The following GALNT9 variants were observed in gnomAD, a reference collection of about 807,000 sequenced individuals.
GALNT9 encodes polypeptide N-acetylgalactosaminyltransferase 9.
A neutral mutation model predicts 63.1 loss-of-function variants in GALNT9; 47 were observed. That is an observed-to-expected ratio of 0.75 (90% CI 0.59 to 0.95). The LOEUF (loss-of-function observed/expected upper bound fraction) is 0.95. Ranked by LOEUF, GALNT9 falls within the 40% of genes least tolerant of loss-of-function variation. The pLI, the probability that GALNT9 is intolerant of heterozygous loss-of-function variation, is 0.00. For missense variants in GALNT9, 829 were observed against 874.8 expected (o/e 0.95, Z 0.66); for synonymous variants, 396 against 365.7 (o/e 1.08, Z -0.94).
At chr12:132,204,860 A>C (rs577767770) in intron 6 of GALNT9, among the ~76,000 whole-genome samples, 1 of 152,116 alleles carries the variant, frequency 6.6e-6, no homozygotes, top group South Asian at 2.1e-4. Context: ...CGCCGTGCTC[A>C]GGTCCTCAGC....
At chr12:132,219,692 CCGCCCGGG>C (rs1877359629) in intron 6 of GALNT9, among the ~76,000 whole-genome samples, 3 of 147,818 alleles carry the variant, frequency 2.0e-5, no homozygotes, top group African/African-American at 5.0e-5. Context: ...AGGGTGACAC[CCGCCCGGG>C]TAAGGGGAAG....
At chr12:132,203,152 G>A (rs954218273) in intron 7 of GALNT9, among the ~76,000 whole-genome samples, 1 of 152,194 alleles carries the variant, frequency 6.6e-6, no homozygotes, top group African/African-American at 2.4e-5. Flanking sequence ...GACAGGTGCT[G>A]TGCAGGGCAC....
intron 2 of GALNT9, among the ~76,000 whole-genome samples, chr12:132,271,648 CT>C (rs1879870827): frequency 6.6e-6 from 1 of 152,204 alleles, no homozygotes; most frequent in Non-Finnish European, 1.5e-5. Context: ...GTTGGGGCAG[CT>C]GTGGCCTCGT....
intron 1 of GALNT9, among the ~76,000 whole-genome samples, chr12:132,314,341 C>T (rs1555245557): frequency 6.6e-6 from 1 of 152,130 alleles, no homozygotes; most frequent in Non-Finnish European, 1.5e-5. Flanking sequence ...AACTCTCTTT[C>T]TGTCTCCATC....
chr12:132,243,502 G>C (rs149853618), intron 6 of GALNT9, among the ~76,000 whole-genome samples: 577 of 148,534 alleles, frequency 3.9e-3, no homozygotes, highest in Non-Finnish European at 6.4e-3. Flanking sequence ...TTGGGGAAAC[G>C]AAGTTGGGTT....
chr12:132,325,429 G>C (rs994396885), intron 1 of GALNT9, among the ~76,000 whole-genome samples: 4 of 152,186 alleles, frequency 2.6e-5, no homozygotes, highest in African/African-American at 9.7e-5. Flanking sequence ...GGGGATGCAT[G>C]AGGCACGTGG....
intron 9 of GALNT9, 131 bp downstream of exon 9, chr12:132,199,043 C>G: frequency 1.6e-6 from 1 of 616,268 alleles, no homozygotes; most frequent in Non-Finnish European, 2.9e-6. Context: ...GCTCCAAGCC[C>G]TGGAATGCAG....
chr12:132,202,923 C>A (rs1046733834), intron 7 of GALNT9, among the ~76,000 whole-genome samples: 2 of 152,188 alleles, frequency 1.3e-5, no homozygotes, highest in African/African-American at 4.8e-5. Context: ...GTCAGCCACT[C>A]ATAGGCCAAA....
chr12:132,322,648 C>T (rs546753477), intron 1 of GALNT9, among the ~76,000 whole-genome samples: 35 of 152,252 alleles, frequency 2.3e-4, no homozygotes, highest in Admixed American at 4.6e-4. Flanking sequence ...AGCACCATGG[C>T]GTCCCCAGGC....
intron 6 of GALNT9, among the ~76,000 whole-genome samples, chr12:132,219,740 GGT>G (rs1234763723): frequency 1.5e-4 from 19 of 122,690 alleles, no homozygotes; most frequent in Non-Finnish European, 2.9e-4. Flanking sequence ...CACCCGCCCG[GGT>G]AAGGGGAAGG....
chr12:132,306,788 G>A (rs779395075), intron 1 of GALNT9, among the ~76,000 whole-genome samples: 18 of 152,290 alleles, frequency 1.2e-4, no homozygotes, highest in African/African-American at 1.7e-4. Context: ...TCATCACTGC[G>A]GTAATGGAAA....
chr12:132,229,890 G>A (rs1337157400), intron 6 of GALNT9, among the ~76,000 whole-genome samples: 6 of 152,230 alleles, frequency 3.9e-5, no homozygotes, highest in African/African-American at 9.6e-5. Context: ...ACCGTCCGTC[G>A]GTGGTGGAGT....
chr12:132,288,260 C>T (rs1555242382), intron 1 of GALNT9, among the ~76,000 whole-genome samples: 1 of 152,224 alleles, frequency 6.6e-6, no homozygotes, highest in East Asian at 1.9e-4. Context: ...GGCTTTGAGC[C>T]TCCCGGAACC....
chr12:132,260,819 A>G, intron 4 of GALNT9, 129 bp downstream of exon 4: 1 of 1,301,288 alleles, frequency 7.7e-7, no homozygotes, highest in South Asian at 1.6e-5. Context: ...CCAGATCCTG[A>G]AGGCTACGGC....
At position 132,316,347 on chromosome 12, in the gene GALNT9, A is replaced by G. The variant is rs918347548; in HGVS notation, c.238+12619T>C. Among the ~76,000 whole-genome samples, 5 of 152,090 alleles carry G rather than the reference A, an allele frequency of 3.3e-5. No individual in the cohort carries two copies. The highest frequency in any genetic ancestry group is 7.4e-5 in the Non-Finnish European group (5 of 68,006). ...TTTCACGATGCATTTTTATGCCCCT[A>G]TTCTGGGAGGAAACAGAGATCCCCT... On this transcript the variant is annotated intron_variant, in intron 1 of 10. Coordinates refer to ENST00000328957, the MANE Select transcript of GALNT9 (RefSeq NM_001122636.2). This position sits in a 1 kb window ranked among gnomAD's most constrained non-coding sequence, Gnocchi z 4.3.
rs868966981 is a variant in GALNT9 at position 132,291,009 on chromosome 12, G to A, written c.239-4579C>T. Among the ~76,000 whole-genome samples the A allele has an allele frequency of 4.5e-4, 26 of 57,160 alleles. 1 individual carries two copies. In the South Asian group the frequency reaches 0.024, roughly 52 times the overall value. 37.5% of individuals were successfully genotyped at this position (57,160 alleles called of 152,430 possible). A position where few individuals can be genotyped will look rare whatever the true frequency, so the allele number is the denominator to read the frequency against. On this transcript the variant is annotated intron_variant, in intron 1 of 10. Coordinates refer to ENST00000328957, the MANE Select transcript of GALNT9 (RefSeq NM_001122636.2). ...CAGCACCCACAACCACAGTGCCCAC[G>A]TCCACACCACCCACATCCACAGCGC...
rs112315672 is a variant in GALNT9 at position 132,315,705 on chromosome 12, G to A, written c.238+13261C>T. On this transcript the variant is annotated intron_variant, in intron 1 of 10. Coordinates refer to ENST00000328957, the MANE Select transcript of GALNT9 (RefSeq NM_001122636.2). The surrounding 1 kb of genome is among the most constrained non-coding windows in gnomAD (Gnocchi z 6.1). The stretch of plus-strand genomic sequence containing the variant: ...CCCAGTTCTGCCATTACCAGGCTGC[G>A]CATCCACACTCAGCCCTGGTGTCCT... Among the ~76,000 whole-genome samples, 8,399 of 152,190 alleles carry A rather than the reference G, an allele frequency of 0.055. 746 individuals are homozygous for A. Among genetic ancestry groups the A allele is most frequent in the African/African-American group, 0.19 (7,876 of 41,474 alleles).
chr12:132,249,207 C>T (rs1220526706), intron 5 of GALNT9, among the ~76,000 whole-genome samples: 1 of 152,254 alleles, frequency 6.6e-6, no homozygotes, highest in Non-Finnish European at 1.5e-5. Flanking sequence ...TTCATTTCTT[C>T]TGAGGCCTCA....
At chr12:132,226,580 CCA>C (rs1270032787) in intron 6 of GALNT9, among the ~76,000 whole-genome samples, 5 of 148,500 alleles carry the variant, frequency 3.4e-5, no homozygotes, top group Admixed American at 1.3e-4. Context: ...CACATACACC[CCA>C]CACACATACA....
Sources: gnomAD v4.1 joint callset for allele counts (sites outside exome capture counted in the v4.1 genomes callset) on GRCh38, gnomAD v4.1.1 for gene constraint, Gnocchi (gnomAD v3.1) non-coding constraint, MANE v1.5 for transcripts, NCBI Gene and HGNC (gene_info 2026-07-23, HGNC 2026-07-21) for gene names.